The following KIAA1328 variants were observed in gnomAD, a reference collection of about 807,000 sequenced individuals.
KIAA1328 encodes the protein protein hinderin.
Under a neutral mutation model 68.1 loss-of-function variants are expected in KIAA1328, and 52 were observed. That is an observed-to-expected ratio of 0.76 (90% confidence interval 0.61 to 0.96). KIAA1328 has a LOEUF of 0.96. KIAA1328 is among the 40% of genes least tolerant of loss of function. The pLI is 0.00. For synonymous variants in KIAA1328, 232 were observed against 239.4 expected (o/e 0.97, Z 0.28); for missense variants, 641 against 677.6 (o/e 0.95, Z 0.60).
rs548492706 is a variant in KIAA1328 at position 36,842,800 on chromosome 18, C to A, written c.238-1408C>A. ...ATTGCCAAATCCATTGCCTTCTTCCCCCAGTCTATTTGTCTTTTTTAATCA... is the reference window on the plus strand; with the variant it reads ...ATTGCCAAATCCATTGCCTTCTTCCACCAGTCTATTTGTCTTTTTTAATCA... On this transcript the variant is annotated intron_variant, in intron 3 of 9. Transcript: ENST00000280020. Among the ~76,000 whole-genome samples, 10 of 151,970 alleles carry A rather than the reference C, an allele frequency of 6.6e-5. No homozygotes were observed. In the East Asian group the frequency reaches 1.9e-3, roughly 29 times the overall value.
intron 9 of KIAA1328, among the ~76,000 whole-genome samples, chr18:37,173,285 G>A (rs2059536267): frequency 6.6e-6 from 1 of 152,106 alleles, no homozygotes; most frequent in Admixed American, 6.5e-5. Flanking sequence ...AGTTGATCAT[G>A]GTAATGTAAG....
At chr18:37,055,386 C>A (rs1283888921) in intron 6 of KIAA1328, among the ~76,000 whole-genome samples, 1 of 152,116 alleles carries the variant, frequency 6.6e-6, no homozygotes, top group African/African-American at 2.4e-5. Flanking sequence ...TTGCTAAATG[C>A]AGAAGTTTGT....
At chr18:36,933,754 G>A (rs2050398600) in intron 5 of KIAA1328, among the ~76,000 whole-genome samples, 1 of 152,208 alleles carries the variant, frequency 6.6e-6, no homozygotes, top group Non-Finnish European at 1.5e-5. Context: ...GGCTGGGCAG[G>A]GGAGGCTGCA....
intron 6 of KIAA1328, among the ~76,000 whole-genome samples, chr18:37,014,648 AG>A (rs1395722101): frequency 6.6e-6 from 1 of 152,272 alleles, no homozygotes; most frequent in East Asian, 1.9e-4. Context: ...TTAAATGGCC[AG>A]AGCAGGAGGA....
In KIAA1328 at chr18:37,197,804, C is replaced by T. The variant is rs541040457; in HGVS notation, c.1524-24213C>T. 8.8e-4 allele frequency among the ~76,000 whole-genome samples: 134 copies of T among 152,202 alleles called. 1 individual carries two copies. The highest frequency in any genetic ancestry group is 2.8e-3 in the African/African-American group (116 of 41,518). On this transcript the variant is annotated intron_variant, in intron 9 of 9. Coordinates refer to ENST00000280020, the MANE Select transcript of KIAA1328 (RefSeq NM_020776.3). Reference sequence around the variant, plus strand: ...AACACTCTGGAAGCTCCTTAAAAGGCTAAACATACAGTTACAATGTAGCCC... The same window carrying T: ...AACACTCTGGAAGCTCCTTAAAAGGTTAAACATACAGTTACAATGTAGCCC...
At chr18:37,134,700 T>A (rs1054049735) in intron 7 of KIAA1328, among the ~76,000 whole-genome samples, 9 of 152,242 alleles carry the variant, frequency 5.9e-5, no homozygotes, top group East Asian at 3.9e-4. Context: ...TTAAATTTTT[T>A]AAAATAATTT....
At chr18:36,932,080 T>C (rs1006246361) in intron 5 of KIAA1328, among the ~76,000 whole-genome samples, 3 of 151,804 alleles carry the variant, frequency 2.0e-5, no homozygotes, top group South Asian at 2.1e-4. Context: ...GAAAAAGATA[T>C]ATAATATGAA....
intron 7 of KIAA1328, among the ~76,000 whole-genome samples, chr18:37,095,223 C>T (rs959389833): frequency 4.5e-4 from 69 of 152,280 alleles, no homozygotes; most frequent in East Asian, 7.7e-4. Flanking sequence ...GCACTATAAA[C>T]CATATGGACA....
intron 7 of KIAA1328, among the ~76,000 whole-genome samples, chr18:37,072,299 CTT>C (rs56906463): frequency 2.4e-4 from 35 of 147,100 alleles, no homozygotes; most frequent in African/African-American, 6.4e-4. Flanking sequence ...GACAGGGTTG[CTT>C]TTTTTTTTTC....
intron 6 of KIAA1328, among the ~76,000 whole-genome samples, chr18:37,007,846 A>G (rs1386804164): frequency 6.6e-6 from 1 of 152,218 alleles, no homozygotes; most frequent in Non-Finnish European, 1.5e-5. Context: ...AAGCAACTGT[A>G]TAAGTAAACA....
At chr18:37,066,261 A>C (rs1239096465) in intron 6 of KIAA1328, among the ~76,000 whole-genome samples, 1 of 152,262 alleles carries the variant, frequency 6.6e-6, no homozygotes, top group East Asian at 1.9e-4. Context: ...CTATCAGACT[A>C]ATCACTTGAA....
At chr18:37,094,447 A>G (rs1338632561) in intron 7 of KIAA1328, among the ~76,000 whole-genome samples, 1 of 152,220 alleles carries the variant, frequency 6.6e-6, no homozygotes, top group African/African-American at 2.4e-5. Flanking sequence ...ACAGACAGCC[A>G]ATAACTGAGG....
At chr18:36,956,426 T>A (rs536765138) in intron 5 of KIAA1328, among the ~76,000 whole-genome samples, 1 of 152,122 alleles carries the variant, frequency 6.6e-6, no homozygotes, top group Non-Finnish European at 1.5e-5. Flanking sequence ...AAATATATGT[T>A]CTTTTTCATT....
At chr18:36,936,381 T>C (rs1418342255) in intron 5 of KIAA1328, among the ~76,000 whole-genome samples, 1 of 152,094 alleles carries the variant, frequency 6.6e-6, no homozygotes, top group East Asian at 1.9e-4. Flanking sequence ...TGGTATTTGG[T>C]TTTCTGTTCC....
chr18:37,128,948 G>C (rs1040048654), intron 7 of KIAA1328, among the ~76,000 whole-genome samples: 2 of 152,146 alleles, frequency 1.3e-5, no homozygotes, highest in African/African-American at 4.8e-5. Context: ...GGCAATTCTA[G>C]AAAAAGCAAA....
chr18:36,963,321 C>T lies in KIAA1328; in HGVS notation c.576+3886C>T, dbSNP rs917997219. On this transcript the variant is annotated intron_variant, in intron 6 of 9. Coordinates refer to ENST00000280020, the MANE Select transcript of KIAA1328 (RefSeq NM_020776.3). ...ACCTTTGGTTTTGCGTTTCTATTTACTGCTCCTGCATGACATAGATGTGTG... is the reference window on the plus strand; with the variant it reads ...ACCTTTGGTTTTGCGTTTCTATTTATTGCTCCTGCATGACATAGATGTGTG... Among the ~76,000 whole-genome samples the T allele has an allele frequency of 3.3e-5, 5 of 152,264 alleles. No homozygotes were observed. The East Asian group carries it at 9.7e-4, about 29-fold the overall frequency.
chr18:36,883,020 C>G (rs2048372485), intron 4 of KIAA1328, among the ~76,000 whole-genome samples: 1 of 152,140 alleles, frequency 6.6e-6, no homozygotes, highest in Non-Finnish European at 1.5e-5. Flanking sequence ...ATTGTGATTA[C>G]TTTTTCCTTT....
intron 5 of KIAA1328, among the ~76,000 whole-genome samples, chr18:36,935,348 C>G (rs751569313): frequency 3.9e-5 from 6 of 152,184 alleles, no homozygotes; most frequent in African/African-American, 7.2e-5. Context: ...TGTGAAGTCA[C>G]TTAATAAAAC....
intron 7 of KIAA1328, among the ~76,000 whole-genome samples, chr18:37,159,724 T>TA (rs960344584): frequency 4.6e-5 from 7 of 152,328 alleles, no homozygotes; most frequent in African/African-American, 1.4e-4. Context: ...CGTGCACTGT[T>TA]ACACTACTCC....
Sources: gnomAD v4.1 joint callset for allele counts (sites outside exome capture counted in the v4.1 genomes callset) on GRCh38, gnomAD v4.1.1 for gene constraint, MANE v1.5 for transcripts, NCBI Gene and HGNC (gene_info 2026-07-23, HGNC 2026-07-21) for gene names.